Variants in TAB1 observed in about 807,000 individuals in gnomAD.
TAB1 encodes TGF-beta activated kinase 1 (MAP3K7) binding protein 1, also known as TGF-beta-activated kinase 1 and MAP3K7-binding protein 1.
A neutral mutation model predicts 54.5 loss-of-function variants in TAB1; 30 were observed. The ratio of observed to expected loss-of-function variants is 0.55; its 90% CI spans 0.41 to 0.75. The LOEUF is 0.75. Ranked by LOEUF, TAB1 falls within the 30% of genes least tolerant of loss-of-function variation. The pLI is 0.00. For missense variants in TAB1, 609 were observed against 683.2 expected (o/e 0.89, Z 1.21); for synonymous variants, 289 against 286.9 (o/e 1.01, Z -0.07).
chr22:39,436,561 C>A, downstream of TAB1: 1 of 1,613,196 alleles, frequency 6.2e-7, no homozygotes, highest in Admixed American at 1.7e-5. Flanking sequence ...GGCAGCCTGA[C>A]CCCAGGGTAG....
At chr22:39,410,682 TAAATA>T (rs1290881489) in intron 1 of TAB1, among the ~76,000 whole-genome samples, 3 of 151,986 alleles carry the variant, frequency 2.0e-5, no homozygotes, top group Non-Finnish European at 4.4e-5. Context: ...TAAAAATAAA[TAAATA>T]AAAGTCACCC....
Position 39,415,835 on chromosome 22 carries a change from C to T in TAB1, c.324+182C>T, listed in dbSNP as rs931998934. Among the ~76,000 whole-genome samples the T allele has an allele frequency of 9.9e-5, 15 of 152,168 alleles. No homozygotes were observed. The highest frequency in any genetic ancestry group is 4.8e-5 in the African/African-American group (2 of 41,432). On this transcript the variant is annotated intron_variant, in intron 3 of 10. Coordinates refer to ENST00000216160, the MANE Select transcript of TAB1 (RefSeq NM_006116.3). The surrounding 1 kb of genome is among the most constrained non-coding windows in gnomAD (Gnocchi z 4.9). ...CCAACAGGAGTCCAGGACCAGCCAG[C>T]GAGCAGCAGGCCTTCAATGGCTGGC...
intron 8 of TAB1, among the ~76,000 whole-genome samples, chr22:39,425,420 A>G (rs1313908147): frequency 1.3e-5 from 2 of 152,058 alleles, no homozygotes; most frequent in Non-Finnish European, 2.9e-5. Flanking sequence ...ACATTTTCTT[A>G]TATAATAATG....
downstream of TAB1, chr22:39,436,361 T>G: frequency 1.4e-6 from 1 of 722,262 alleles, no homozygotes; most frequent in Admixed American, 2.2e-5. Context: ...AATATCTCAT[T>G]TAACCTGGCA....
At position 39,430,022 on chromosome 22, in the gene TAB1, C is replaced by T. The variant is rs773356534; in HGVS notation, c.1315C>T (p.Pro439Ser). ...TCCCCTGTTGTCCTGCAGCCAAAGC[C>T]CGACCTTAACCCTGCAGTCCACCAA... Reference protein sequence around the residue: ...EATPTLTNQSPTLTLQSTNTH... With the variant: ...EATPTLTNQSSTLTLQSTNTH... Residue 439 changes from proline to serine, a missense_variant, in exon 11 of 11, where the codon CCG becomes TCG. Coordinates refer to ENST00000216160, the MANE Select transcript of TAB1 (RefSeq NM_006116.3). 20 of 1,613,048 alleles carry T rather than the reference C, an allele frequency of 1.2e-5. No homozygotes were observed. Among genetic ancestry groups the T allele is most frequent in the Non-Finnish European group, 1.7e-5 (20 of 1,180,022 alleles).
At chr22:39,423,162 G>T (rs1336560225) in intron 8 of TAB1, among the ~76,000 whole-genome samples, 1 of 151,732 alleles carries the variant, frequency 6.6e-6, no homozygotes, top group East Asian at 2.0e-4. Flanking sequence ...TCTTTGTTTT[G>T]TTTTTTTGGT....
chr22:39,419,577 G>A lies in TAB1; in HGVS notation c.723G>A (p.Arg241=). ...VGIICGQEST[R]RIGDYKVKYG... ...TCATCTGTGGGCAGGAGAGCACCCG[G>A]CGGATCGGGGATTACAAGGTTAAAT... Residue 241 remains arginine, a synonymous_variant, in exon 7 of 11, where the codon CGG becomes CGA. Transcript: ENST00000216160. The A allele has an allele frequency of 6.2e-7, 1 of 1,613,240 alleles. No individual in the cohort carries two copies. Among genetic ancestry groups the A allele is most frequent in the Non-Finnish European group, 8.5e-7 (1 of 1,179,506 alleles).
chr22:39,413,502 C>T (rs1926696191), intron 1 of TAB1, among the ~76,000 whole-genome samples: 1 of 151,530 alleles, frequency 6.6e-6, no homozygotes, highest in South Asian at 2.1e-4. Context: ...CTGCAACCTC[C>T]GACTCCTGGG....
chr22:39,415,709 C>T lies in TAB1; in HGVS notation c.324+56C>T. The T allele has an allele frequency of 6.4e-7, 1 of 1,574,384 alleles. No individual in the cohort carries two copies. The highest frequency in any genetic ancestry group is 8.6e-7 in the Non-Finnish European group (1 of 1,162,510). On this transcript the variant is annotated intron_variant, in intron 3 of 10. Coordinates refer to ENST00000216160, the MANE Select transcript of TAB1 (RefSeq NM_006116.3). This position sits in a 1 kb window ranked among gnomAD's most constrained non-coding sequence, Gnocchi z 4.9. ...CCACATCATGTCCCCCACCCCAAGG[C>T]TTGGGCCCTGCACCTCTAGCATGTT... is the stretch of plus-strand genomic sequence containing the variant.
intron 3 of TAB1, among the ~76,000 whole-genome samples, chr22:39,416,446 G>A (rs900902290): frequency 1.3e-5 from 2 of 152,242 alleles, no homozygotes; most frequent in African/African-American, 2.4e-5. Context: ...CTTAACCTCC[G>A]TTGTGTGAGA....
At chr22:39,418,643 A>G (rs1042473596) in intron 5 of TAB1, 89 bp from the exon 6 acceptor site, 2 of 989,452 alleles carry the variant, frequency 2.0e-6, no homozygotes, top group African/African-American at 3.2e-5. Context: ...CCATGTGTGA[A>G]ATGCCTGCCT....
At chr22:39,408,924 G>A (rs957462625) in intron 1 of TAB1, among the ~76,000 whole-genome samples, 25 of 152,224 alleles carry the variant, frequency 1.6e-4, no homozygotes, top group African/African-American at 5.3e-4. Context: ...GGAAGCCTGT[G>A]TCTGTCCCTT....
At position 39,430,011 on chromosome 22, in the gene TAB1, G is replaced by A. The variant is rs776726184; in HGVS notation, c.1308-4G>A. 1.2e-6 allele frequency: 2 copies of A among 1,612,592 alleles called. No homozygotes were observed. Among genetic ancestry groups the A allele is most frequent in the South Asian group, 1.1e-5 (1 of 91,002 alleles). ...GATTGACTCCCTCCCCTGTTGTCCT[G>A]CAGCCAAAGCCCGACCTTAACCCTG... On this transcript the variant is annotated splice_region_variant and splice_polypyrimidine_tract_variant and intron_variant, in intron 10 of 10. Coordinates refer to ENST00000216160, the MANE Select transcript of TAB1 (RefSeq NM_006116.3).
At chr22:39,429,116 T>C in intron 10 of TAB1, 1 of 985,454 alleles carries the variant, frequency 1.0e-6, no homozygotes, top group South Asian at 4.7e-5. Flanking sequence ...CCTGTGTTCC[T>C]CACTCCTTTC....
intron 8 of TAB1, among the ~76,000 whole-genome samples, chr22:39,423,464 G>A (rs558972082): frequency 8.0e-4 from 122 of 152,304 alleles, no homozygotes; most frequent in African/African-American, 2.8e-3. Context: ...AATTAGCCGG[G>A]TGTGGTGGCA....
chr22:39,416,729 AT>A lies in TAB1; in HGVS notation c.325-58del. ...GCTGCTGCTCTGATTAATAGAGGAC[AT>A]TTTGGCACCAGTGACAGTGGTGTTT... On this transcript the variant is annotated intron_variant, in intron 3 of 10. Transcript: ENST00000216160. The A allele has an allele frequency of 2.0e-6, 3 of 1,494,780 alleles. No individual in the cohort carries two copies. The South Asian group carries it at 3.4e-5, about 17-fold the overall frequency. 92.6% of individuals were successfully genotyped at this position (1,494,780 alleles called of 1,614,324 possible). A position where few individuals can be genotyped will look rare whatever the true frequency, so the allele number is the denominator to read the frequency against.
intron 8 of TAB1, among the ~76,000 whole-genome samples, chr22:39,425,646 T>C (rs895976282): frequency 6.6e-6 from 1 of 150,794 alleles, no homozygotes; most frequent in Non-Finnish European, 1.5e-5. Context: ...ACCTCCCGGG[T>C]TCACGCCATT....
Position 39,404,937 on chromosome 22 carries a change from T to C in TAB1, c.33+5102T>C, listed in dbSNP as rs1048519624. 5.9e-5 allele frequency among the ~76,000 whole-genome samples: 9 copies of C among 152,250 alleles called. No homozygotes were observed. In the East Asian group the frequency reaches 1.4e-3, roughly 23 times the overall value. ...CGGAAGGTTGGAGGTGGTGGGGGCA[T>C]TGGGGCCTTGGAAGCTTTTTGGAGA... On this transcript the variant is annotated intron_variant, in intron 1 of 10. Transcript: ENST00000216160.
At chr22:39,426,023 A>G (rs1927318963) in intron 8 of TAB1, among the ~76,000 whole-genome samples, 1 of 151,352 alleles carries the variant, frequency 6.6e-6, no homozygotes, top group South Asian at 2.1e-4. Flanking sequence ...ATGCCCAGCT[A>G]ATTTTTGTAT....
Sources: allele counts gnomAD v4.1 joint callset (sites outside exome capture counted in the v4.1 genomes callset), GRCh38; gene constraint gnomAD v4.1.1; non-coding constraint Gnocchi (gnomAD v3.1); transcripts MANE v1.5; gene names NCBI Gene and HGNC (gene_info 2026-07-23, HGNC 2026-07-21).